SPEF2: variants seen among roughly 807,000 people sequenced by gnomAD.
The protein encoded by SPEF2 is sperm flagella and cilia-associated protein 2.
SPEF2 carries 187 observed loss-of-function variants against 224.6 expected under a neutral mutation model. The ratio of observed to expected loss-of-function variants is 0.83; its 90% CI spans 0.74 to 0.94. The LOEUF (loss-of-function observed/expected upper bound fraction) is 0.94. Among genes scored for constraint, SPEF2 ranks in the 40% least tolerant of loss-of-function variants. SPEF2 has a pLI of 0.00. For missense variants in SPEF2, 2,170 were observed against 2,135.6 expected, an observed-to-expected ratio of 1.02 and a Z score of -0.32; for synonymous variants, 715 against 707.3, an observed-to-expected ratio of 1.01 and a Z score of -0.17.
intron 2 of SPEF2, among the ~76,000 whole-genome samples, chr5:35,629,978 T>C (rs914047530): frequency 1.4e-4 from 22 of 152,236 alleles, no homozygotes; most frequent in Admixed American, 1.1e-3. Context: ...TCTGTTGGTA[T>C]TCTTGGGGTA....
At chr5:35,777,564 T>C (rs1425004750) in intron 29 of SPEF2, among the ~76,000 whole-genome samples, 1 of 151,814 alleles carries the variant, frequency 6.6e-6, no homozygotes, top group Non-Finnish European at 1.5e-5. Flanking sequence ...AGCAGATGTA[T>C]TCATATTTCT....
chr5:35,809,562 G>T (rs527729646), intron 36 of SPEF2, among the ~76,000 whole-genome samples: 1 of 152,092 alleles, frequency 6.6e-6, no homozygotes, highest in Non-Finnish European at 1.5e-5. Flanking sequence ...TCTGGGGAAG[G>T]CATGGAAGAA....
intron 2 of SPEF2, among the ~76,000 whole-genome samples, chr5:35,634,212 A>C (rs536585424): frequency 9.9e-5 from 15 of 152,110 alleles, no homozygotes; most frequent in Non-Finnish European, 1.2e-4. Context: ...AGCTATGTTA[A>C]CAATGAGTTA....
At chr5:35,746,506 C>T (rs1477309000) in intron 23 of SPEF2, among the ~76,000 whole-genome samples, 1 of 152,092 alleles carries the variant, frequency 6.6e-6, no homozygotes, top group Non-Finnish European at 1.5e-5. Context: ...TTTGTAGACA[C>T]TTTTAGAAAC....
rs537462750 is a variant in SPEF2, at chr5:35,637,121, C to T, written c.162-4310C>T. 1.4e-4 allele frequency among the ~76,000 whole-genome samples: 22 copies of T among 152,188 alleles called. No homozygotes were observed. The East Asian group carries it at 1.9e-3, about 13-fold the overall frequency. On this transcript the variant is annotated intron_variant, in intron 2 of 36. Coordinates refer to ENST00000356031, the MANE Select transcript of SPEF2 (RefSeq NM_024867.4). ...GCTGCCATGGTTGTAAGTCTGCTGC[C>T]GGTTTTCATAGCCACCATGGAGCTA... is the stretch of plus-strand genomic sequence containing the variant.
chr5:35,653,703 T>G lies in SPEF2; in HGVS notation c.792-837T>G, dbSNP rs967451779. On this transcript the variant is annotated intron_variant, in intron 6 of 36. Coordinates refer to ENST00000356031, the MANE Select transcript of SPEF2 (RefSeq NM_024867.4). The stretch of plus-strand genomic sequence containing the variant: ...GACTCACGCCTGTAATCCCAGCACT[T>G]TGGGAGGCCGAGGCAGGCAGATTAT... 2.9e-4 allele frequency among the ~76,000 whole-genome samples: 44 copies of G among 151,992 alleles called. 1 individual carries two copies. The highest frequency in any genetic ancestry group is 9.9e-4 in the African/African-American group (41 of 41,386).
intron 8 of SPEF2, among the ~76,000 whole-genome samples, chr5:35,661,691 C>T (rs1388501868): frequency 6.6e-6 from 1 of 152,090 alleles, no homozygotes; most frequent in Non-Finnish European, 1.5e-5. Flanking sequence ...GTTTTCTATT[C>T]CTGCATTAGT....
At chr5:35,628,309 G>A in intron 1 of SPEF2, 151 bp from the exon 2 acceptor site, 1 of 444,686 alleles carries the variant, frequency 2.2e-6, no homozygotes, top group Non-Finnish European at 4.0e-6. Context: ...CTTTTCCTTT[G>A]GTTATTAAAA....
intron 15 of SPEF2, 108 bp from the exon 16 acceptor site, chr5:35,700,388 C>A: frequency 3.1e-6 from 3 of 963,082 alleles, no homozygotes; most frequent in African/African-American, 1.6e-5. Context: ...GAAATTCATG[C>A]AGTAGGAAGT....
At chr5:35,690,247 GA>G (rs1476988144) in intron 10 of SPEF2, among the ~76,000 whole-genome samples, 12 of 151,944 alleles carry the variant, frequency 7.9e-5, no homozygotes. Flanking sequence ...TAGCTATTTT[GA>G]AATATTCAGT....
chr5:35,753,242 T>C (rs1219406859), intron 23 of SPEF2, among the ~76,000 whole-genome samples: 1 of 152,174 alleles, frequency 6.6e-6, no homozygotes, highest in Non-Finnish European at 1.5e-5. Context: ...TGTTAATTAA[T>C]ACAGCTGCAT....
chr5:35,726,990 C>CCCCT (rs1554043024), intron 20 of SPEF2, among the ~76,000 whole-genome samples: 1 of 148,064 alleles, frequency 6.8e-6, no homozygotes, highest in African/African-American at 2.5e-5. Context: ...GCACCCCCCC[C>CCCCT]CTTTCCTCCC....
chr5:35,771,160 TA>T (rs199671316), intron 26 of SPEF2, among the ~76,000 whole-genome samples: 1,984 of 145,178 alleles, frequency 0.014, 35 homozygotes, highest in African/African-American at 0.045. Flanking sequence ...AATAAAAAAA[TA>T]AAAAAAAAAC....
At position 35,771,615 on chromosome 5, in the gene SPEF2, G is replaced by A; in HGVS notation, c.3808G>A (p.Ala1270Thr). ...ATTGCTGTTACGCAACCAGGTGGCT[G>A]CTGAAATTCATCAGAGGCTTATGGA... ...ASLAVSHMVA[A>T]EIHQRLMEEE... Residue 1270 changes from alanine to threonine, a missense_variant, in exon 27 of 37, where the codon GCT (alanine) becomes ACT (threonine). Ala to Thr is a moderately conservative substitution (Grantham distance 58). Transcript: ENST00000356031. The A allele has an allele frequency of 6.3e-7, 1 of 1,589,698 alleles. No homozygotes were observed. The highest frequency in any genetic ancestry group is 2.2e-5 in the East Asian group (1 of 44,800).
intron 21 of SPEF2, among the ~76,000 whole-genome samples, chr5:35,728,513 C>T (rs1415895050): frequency 6.6e-6 from 1 of 152,164 alleles, no homozygotes. Context: ...CCGCAATGAT[C>T]TCTTATTCTG....
chr5:35,733,098 G>GGTTTTTTTTTGTTTTTTGTTTTTT (rs1745921224), intron 21 of SPEF2, among the ~76,000 whole-genome samples: 1 of 150,898 alleles, frequency 6.6e-6, no homozygotes, highest in Non-Finnish European at 1.5e-5. Flanking sequence ...TTACAACACA[G>GGTTTTTTTTTGTTTTTTGTTTTTT]GTTTTTTTTT....
At chr5:35,723,913 C>T (rs991084718) in intron 20 of SPEF2, among the ~76,000 whole-genome samples, 2 of 152,154 alleles carry the variant, frequency 1.3e-5, no homozygotes, top group African/African-American at 4.8e-5. Flanking sequence ...CATACAAAAG[C>T]TGGCAATTAA....
intron 6 of SPEF2, among the ~76,000 whole-genome samples, chr5:35,652,241 G>A (rs1748295926): frequency 6.6e-6 from 1 of 152,076 alleles, no homozygotes; most frequent in African/African-American, 2.4e-5. Context: ...ACAACAGATG[G>A]ATGGGTTGAC....
chr5:35,759,609 A>G lies in SPEF2; in HGVS notation c.3510A>G (p.Gln1170=), dbSNP rs779006410. ...TCCAAGATACAAAGAGACTCCTTCA[A>G]GATTATTACTGGGGAATGGAAAGTA... ...NRFQDTKRLL[Q]DYYWGMESKI... is the part of the protein sequence containing the mutation. Residue 1170 remains glutamine, a synonymous_variant, in exon 25 of 37, where the codon CAA becomes CAG. Transcript: ENST00000356031. 1.2e-6 allele frequency: 2 copies of G among 1,610,918 alleles called. No homozygotes were observed. The highest frequency in any genetic ancestry group is 2.2e-5 in the East Asian group (1 of 44,784).
Sources: gnomAD v4.1 joint callset for allele counts (sites outside exome capture counted in the v4.1 genomes callset) on GRCh38, gnomAD v4.1.1 for gene constraint, MANE v1.5 for transcripts, NCBI Gene and HGNC (gene_info 2026-07-23, HGNC 2026-07-21) for gene names.